The following MARS1 variants were observed in gnomAD, a reference collection of about 807,000 sequenced individuals.
MARS1 encodes the protein methionyl-tRNA synthetase 1.
MARS1 carries 80 observed loss-of-function variants against 119.5 expected under a neutral mutation model. The ratio of observed to expected loss-of-function variants is 0.67; its 90% CI spans 0.56 to 0.81. The LOEUF is 0.81. MARS1 is among the 30% of genes least tolerant of loss of function. The pLI is 0.00. For synonymous variants in MARS1, 418 were observed against 433.4 expected (o/e 0.96, Z 0.44); for missense variants, 945 against 1,116.5 (o/e 0.85, Z 2.19).
chr12:57,501,557 C>T (rs998895365), intron 10 of MARS1, among the ~76,000 whole-genome samples: 17 of 151,984 alleles, frequency 1.1e-4, no homozygotes, highest in African/African-American at 3.4e-4. Context: ...CGGTGGCTCA[C>T]GCCTGTAATC....
At position 57,504,233 on chromosome 12, in the gene MARS1, G is replaced by A. The variant is rs1215896860; in HGVS notation, c.1302G>A (p.Gln434=). 13 of 1,614,022 alleles carry A rather than the reference G, an allele frequency of 8.1e-6. No homozygotes were observed. Among genetic ancestry groups the A allele is most frequent in the Non-Finnish European group, 1.1e-5 (13 of 1,179,894 alleles). ...LINAVELKKP[Q]CKVCRSCPVV... ...GGAATTTTCCTTCGCAGAAGCCTCAGTGTAAAGTCTGCCGATCATGCCCTG... is the reference window on the plus strand; with the variant it reads ...GGAATTTTCCTTCGCAGAAGCCTCAATGTAAAGTCTGCCGATCATGCCCTG... The change falls in exon 11 of 21, where the codon CAG becomes CAA. Residue 434 remains glutamine (Q), a synonymous_variant. Coordinates refer to ENST00000262027, the MANE Select transcript of MARS1 (RefSeq NM_004990.4).
At chr12:57,504,412 A>G in intron 11 of MARS1, 113 bp downstream of exon 11, 5 of 824,868 alleles carry the variant, frequency 6.1e-6, no homozygotes, top group African/African-American at 1.7e-5. Context: ...TTCCATTAAG[A>G]ATTGTACATA....
Position 57,500,468 on chromosome 12 carries a change from T to G in MARS1, c.1239T>G (p.Ala413=). The change falls in exon 10 of 21, where the codon GCT becomes GCG. Residue 413 remains alanine (A), a synonymous_variant. Transcript: ENST00000262027. The part of the protein sequence containing the change: ...GVCPFCGYEE[A]RGDQCDKCGK... ...GTCCCTTCTGTGGCTATGAGGAGGCTCGGGGTGACCAGTGTGACAAGTGTG... is the reference window on the plus strand; with the variant it reads ...GTCCCTTCTGTGGCTATGAGGAGGCGCGGGGTGACCAGTGTGACAAGTGTG... The G allele has an allele frequency of 6.2e-7, 1 of 1,614,170 alleles. No homozygotes were observed. The highest frequency in any genetic ancestry group is 2.2e-5 in the East Asian group (1 of 44,882).
At chr12:57,506,997 G>A (rs11831454) in intron 11 of MARS1, among the ~76,000 whole-genome samples, 26,219 of 149,452 alleles carry the variant, frequency 0.18, 2,452 homozygotes, top group East Asian at 0.27. Flanking sequence ...AGGACCCTGC[G>A]GCCTTCCGCA....
In MARS1 at chr12:57,498,175, A is replaced by C. The variant is rs754922944; in HGVS notation, c.789A>C (p.Glu263Asp). 8.7e-6 allele frequency: 14 copies of C among 1,613,964 alleles called. No individual in the cohort carries two copies. The highest frequency in any genetic ancestry group is 1.2e-5 in the Non-Finnish European group (14 of 1,179,834). ...QQNPVLPVAGERNVLITSALP... is the reference protein window; with the variant it reads ...QQNPVLPVAGDRNVLITSALP... Reference sequence around the variant, plus strand: ...TTACTAGGTTGCCTGTGGCTGGAGAAAGGAATGTGCTCATCACCAGTGCCC... The same window carrying C: ...TTACTAGGTTGCCTGTGGCTGGAGACAGGAATGTGCTCATCACCAGTGCCC... Residue 263 changes from glutamate (E) to aspartate (D), a missense_variant, in exon 8 of 21, where the codon GAA becomes GAC. By Grantham distance (45) the Glu-to-Asp change is conservative. Coordinates refer to ENST00000262027, the MANE Select transcript of MARS1 (RefSeq NM_004990.4).
intron 6 of MARS1, 60 bp from the exon 7 acceptor site, chr12:57,490,478 A>C: frequency 1.2e-6 from 2 of 1,610,566 alleles, no homozygotes; most frequent in South Asian, 2.2e-5. Context: ...GGCAAGGAGA[A>C]AGTTTCTTTA....
Position 57,488,999 on chromosome 12 carries a change from A to AT in MARS1, c.110-16dup. On this transcript the variant is annotated intron_variant, in intron 1 of 20. Coordinates refer to ENST00000262027, the MANE Select transcript of MARS1 (RefSeq NM_004990.4). The stretch of plus-strand genomic sequence containing the variant: ...TCTTTTCCTTTTTTTTTTTTAACCC[A>AT]TTTTCCATTCTTGCATCAGATTGTG... The AT allele has an allele frequency of 6.5e-7, 1 of 1,549,588 alleles. No homozygotes were observed. The highest frequency in any genetic ancestry group is 8.8e-7 in the Non-Finnish European group (1 of 1,131,070).
chr12:57,494,494 ATTTTTTTT>A (rs59160934), intron 7 of MARS1, among the ~76,000 whole-genome samples: 3 of 95,488 alleles, frequency 3.1e-5, no homozygotes, highest in Non-Finnish European at 6.3e-5. Flanking sequence ...CGCCTGGCTA[ATTTTTTTT>A]TTTTTTTTTT....
In MARS1 at chr12:57,515,191, C is replaced by G; in HGVS notation, c.2246C>G (p.Ala749Gly). The G allele has an allele frequency of 6.2e-7, 1 of 1,614,198 alleles. No homozygotes were observed. Among genetic ancestry groups the G allele is most frequent in the Non-Finnish European group, 8.5e-7 (1 of 1,180,038 alleles). The change falls in exon 18 of 21, where the codon GCT (alanine) becomes GGT (glycine). Residue 749 changes from alanine (A) to glycine (G), a missense_variant. Coordinates refer to ENST00000262027, the MANE Select transcript of MARS1 (RefSeq NM_004990.4). ...GTGACTGGCTTGGCAGTGAATATAGCTGCCTTGCTCTCTGTCATGCTTCAG... is the reference window on the plus strand; with the variant it reads ...GTGACTGGCTTGGCAGTGAATATAGGTGCCTTGCTCTCTGTCATGCTTCAG... The part of the protein sequence containing the change: ...GTVTGLAVNI[A>G]ALLSVMLQPY...
Position 57,511,841 on chromosome 12 carries a change from T to G in MARS1, c.1512T>G (p.Pro504=). The G allele has an allele frequency of 6.2e-7, 1 of 1,614,176 alleles. No homozygotes were observed. The highest frequency in any genetic ancestry group is 8.5e-7 in the Non-Finnish European group (1 of 1,180,012). ...CCCGAGACCTCAAATGGGGAACCCCTGTACCCTTAGAAGGTTTTGAAGACA... is the reference window on the plus strand; with the variant it reads ...CCCGAGACCTCAAATGGGGAACCCCGGTACCCTTAGAAGGTTTTGAAGACA... ...CITRDLKWGT[P]VPLEGFEDKV... The change falls in exon 12 of 21, where the codon CCT becomes CCG. Residue 504 remains proline (P), a synonymous_variant. Transcript: ENST00000262027.
At chr12:57,500,121 T>C in intron 9 of MARS1, 200 bp from the exon 10 acceptor site, 1 of 609,238 alleles carries the variant, frequency 1.6e-6, no homozygotes, top group East Asian at 2.8e-5. Flanking sequence ...AAAGATTATG[T>C]GGGCAGTTGG....
chr12:57,489,480 T>C lies in MARS1; in HGVS notation c.336T>C (p.Asp112=). 1.9e-6 allele frequency: 3 copies of C among 1,614,180 alleles called. No homozygotes were observed. Among genetic ancestry groups the C allele is most frequent in the Non-Finnish European group, 2.5e-6 (3 of 1,180,030 alleles). ...TGGTCCAAGGCAAGAAGGGGGAAGA[T>C]GTTCTTGGTTCAGTGCGGAGAGCCC... ...YLVVQGKKGE[D]VLGSVRRALT... is the part of the protein sequence containing the mutation. The change falls in exon 4 of 21, where the codon GAT becomes GAC. Residue 112 remains aspartate (D), a synonymous_variant. Coordinates refer to ENST00000262027, the MANE Select transcript of MARS1 (RefSeq NM_004990.4).
rs753990158 is a variant in MARS1 at position 57,489,070 on chromosome 12, A to T, written c.161A>T (p.Asp54Val). 2 of 1,613,304 alleles carry T rather than the reference A, an allele frequency of 1.2e-6. No individual in the cohort carries two copies. Among genetic ancestry groups the T allele is most frequent in the Non-Finnish European group, 1.7e-6 (2 of 1,179,900 alleles). The change falls in exon 2 of 21, where the codon GAT becomes GTT. Residue 54 changes from aspartate to valine, a missense_variant. By Grantham distance (152) the Asp-to-Val change is radical (BLOSUM62 -3). Coordinates refer to ENST00000262027, the MANE Select transcript of MARS1 (RefSeq NM_004990.4). ...TRPKVPVLQL[D>V]SGNYLFSTSA... ...CCTAAGGTCCCTGTCTTGCAGCTGG[A>T]TAGCGGCAACTACCTCTTCTCCACT...
At chr12:57,505,167 T>G (rs1366087887) in intron 11 of MARS1, among the ~76,000 whole-genome samples, 1 of 151,406 alleles carries the variant, frequency 6.6e-6, no homozygotes, top group Non-Finnish European at 1.5e-5. Context: ...CTGATTTGTT[T>G]TTTTTTTTTT....
chr12:57,515,444 C>A, intron 18 of MARS1, 108 bp downstream of exon 18: 1 of 1,090,880 alleles, frequency 9.2e-7, no homozygotes, highest in Non-Finnish European at 1.3e-6. Flanking sequence ...GGTCATGGGA[C>A]TCCTAAGTTT....
At chr12:57,510,241 AGG>A (rs1226815138) in intron 11 of MARS1, among the ~76,000 whole-genome samples, 6 of 152,214 alleles carry the variant, frequency 3.9e-5, no homozygotes, top group Non-Finnish European at 8.8e-5. Flanking sequence ...TGGGAGGCCA[AGG>A]CAGGCGGATC....
chr12:57,500,824 C>T (rs1876884384), intron 10 of MARS1, among the ~76,000 whole-genome samples: 1 of 152,246 alleles, frequency 6.6e-6, no homozygotes, highest in South Asian at 2.1e-4. Context: ...TAAATATCTT[C>T]TCTTCTAGCC....
intron 19 of MARS1, 120 bp downstream of exon 19, chr12:57,516,111 TAC>T (rs751235865): frequency 1.5e-5 from 20 of 1,377,608 alleles, no homozygotes; most frequent in East Asian, 9.2e-5. Flanking sequence ...CTTCCTCACT[TAC>T]AGTTTTTCTT....
At chr12:57,491,847 C>G (rs1431230788) in intron 7 of MARS1, among the ~76,000 whole-genome samples, 1 of 152,160 alleles carries the variant, frequency 6.6e-6, no homozygotes, top group African/African-American at 2.4e-5. Flanking sequence ...GTGTTTACTC[C>G]TTTCCAGTCC....
Sources: allele counts gnomAD v4.1 joint callset (sites outside exome capture counted in the v4.1 genomes callset), GRCh38; gene constraint gnomAD v4.1.1; transcripts MANE v1.5; gene names NCBI Gene and HGNC (gene_info 2026-07-23, HGNC 2026-07-21).